PIK3C3: variants seen among roughly 807,000 people sequenced by gnomAD.
PIK3C3 encodes the protein PI3-kinase type 3.
A neutral mutation model predicts 126.1 loss-of-function variants in PIK3C3; 95 were observed. That is an observed-to-expected ratio of 0.75 (90% CI 0.64 to 0.89). PIK3C3 has a LOEUF of 0.89. PIK3C3 is among the 40% of genes least tolerant of loss of function. PIK3C3 has a pLI of 0.00. For synonymous variants in PIK3C3, 374 were observed against 360.0 expected (o/e 1.04, Z -0.44); for missense variants, 829 against 1,063.2 (o/e 0.78, Z 3.06).
At chr18:42,076,197 C>CAT (rs71174078) in intron 24 of PIK3C3, among the ~76,000 whole-genome samples, 18,868 of 118,258 alleles carry the variant, frequency 0.16, 2,210 homozygotes, top group African/African-American at 0.3. Flanking sequence ...TATATGCACA[C>CAT]ATATATATAT....
At chr18:41,955,398 G>T in intron 1 of PIK3C3, 39 bp downstream of exon 1, 1 of 1,559,118 alleles carries the variant, frequency 6.4e-7, no homozygotes, top group Non-Finnish European at 8.8e-7. Flanking sequence ...GATTGCTGGG[G>T]CGTAGGGACG....
In PIK3C3 at chr18:41,996,004, T is replaced by C. The variant is rs775985028; in HGVS notation, c.891+10T>C. On this transcript the variant is annotated intron_variant, in intron 8 of 24. Coordinates refer to ENST00000262039, the MANE Select transcript of PIK3C3 (RefSeq NM_002647.4). ...GAGAGATCAGTTAAATGTAAGAGAA[T>C]TATGAAATATTAATTTAAAAATAGT... 174 of 1,541,940 alleles carry C rather than the reference T, an allele frequency of 1.1e-4. 2 individuals are homozygous for C. The East Asian group carries it at 3.9e-3, about 34-fold the overall frequency.
chr18:42,081,183 C>T lies in PIK3C3; in HGVS notation c.*46C>T, dbSNP rs564813621. ...GATGCTTGGCTCAATAAGAAAACCA[C>T]GTTAGGAGCAACCTTTGTATATTGG... On this transcript the variant is annotated 3_prime_UTR_variant, in exon 25 of 25. Coordinates refer to ENST00000262039, the MANE Select transcript of PIK3C3 (RefSeq NM_002647.4). 18 of 1,422,190 alleles carry T rather than the reference C, an allele frequency of 1.3e-5. No individual in the cohort carries two copies. The highest frequency in any genetic ancestry group is 1.6e-5 in the Non-Finnish European group (16 of 1,014,954). The allele number at this position is 1,422,190 out of a possible 1,614,324, so 88.1% of individuals were successfully genotyped here.
rs181521350 is a variant in PIK3C3, at chr18:42,081,890, C to T, written c.*753C>T. ...TGAGCATAAGATATTTTTACATATT[C>T]ATGTAAGACAATGTAAATTGTCTTT... is the stretch of plus-strand genomic sequence containing the variant. On this transcript the variant is annotated 3_prime_UTR_variant, in exon 25 of 25. Coordinates refer to ENST00000262039, the MANE Select transcript of PIK3C3 (RefSeq NM_002647.4). 1 of 152,208 alleles carries T rather than the reference C, an allele frequency of 6.6e-6. No individual in the cohort carries two copies. The highest frequency in any genetic ancestry group is 1.9e-4 in the East Asian group (1 of 5,182). The allele number at this position is 152,208 out of a possible 1,614,324, so 9.4% of individuals were successfully genotyped here.
chr18:42,010,085 A>C (rs184973136), intron 10 of PIK3C3, among the ~76,000 whole-genome samples: 1 of 152,318 alleles, frequency 6.6e-6, no homozygotes, highest in East Asian at 1.9e-4. Context: ...TTCAAAATTG[A>C]AGTCAGTCCT....
Position 42,038,816 on chromosome 18 carries a change from A to G in PIK3C3, c.2004A>G (p.Thr668=), listed in dbSNP as rs757874981. The G allele has an allele frequency of 3.7e-6, 6 of 1,607,044 alleles. No individual in the cohort carries two copies. The highest frequency in any genetic ancestry group is 8.5e-7 in the Non-Finnish European group (1 of 1,174,300). The change falls in exon 18 of 25, where the codon ACA becomes ACG. Residue 668 remains threonine, a synonymous_variant. Coordinates refer to ENST00000262039, the MANE Select transcript of PIK3C3 (RefSeq NM_002647.4). The stretch of plus-strand genomic sequence containing the variant: ...AAGAAAATCTGGACTTGAAATTGAC[A>G]CCTTATAAGGTGTTAGCCACCAGTA... ...LRKENLDLKL[T]PYKVLATSTK... is the part of the protein sequence containing the mutation.
intron 24 of PIK3C3, among the ~76,000 whole-genome samples, chr18:42,076,131 T>TATATGCAC (rs1555643380): frequency 1.4e-4 from 12 of 83,440 alleles, no homozygotes; most frequent in Admixed American, 6.0e-4. Flanking sequence ...TGCGCATATA[T>TATATGCAC]ATATATATAT....
chr18:42,013,473 A>G lies in PIK3C3; in HGVS notation c.1202A>G (p.Gln401Arg). The change falls in exon 11 of 25, where the codon CAG becomes CGG. Residue 401 changes from glutamine (Q) to arginine (R), a missense_variant. Gln to Arg is a conservative substitution (Grantham distance 43, BLOSUM62 1). Around this residue, in one of 4 missense-constraint regions of PIK3C3, gnomAD observed 256 missense variants for 291.0 expected, o/e 0.88. Coordinates refer to ENST00000262039, the MANE Select transcript of PIK3C3 (RefSeq NM_002647.4). ...TTGATGTACCTATTACAATTGGTCC[A>G]GGCTCTCAAATATGAAAATTTTGAT... ...DLLMYLLQLVQALKYENFDDI... is the reference protein window; with the variant it reads ...DLLMYLLQLVRALKYENFDDI... The G allele has an allele frequency of 6.3e-7, 1 of 1,589,690 alleles. No individual in the cohort carries two copies. Among genetic ancestry groups the G allele is most frequent in the Non-Finnish European group, 8.6e-7 (1 of 1,168,248 alleles).
intron 15 of PIK3C3, among the ~76,000 whole-genome samples, chr18:42,032,624 T>TTTTA (rs139558444): frequency 0.32 from 46,279 of 143,878 alleles, 8,123 homozygotes; most frequent in African/African-American, 0.44. Flanking sequence ...TTTCTGGTTA[T>TTTTA]TTTATTTATT....
chr18:41,983,597 G>T (rs1009713886), intron 4 of PIK3C3, among the ~76,000 whole-genome samples: 1 of 152,168 alleles, frequency 6.6e-6, no homozygotes, highest in South Asian at 2.1e-4. Flanking sequence ...TAGTAAAATA[G>T]AGAAGAGTAC....
At chr18:42,057,620 T>C (rs1045858843) in intron 21 of PIK3C3, 2 of 358,032 alleles carry the variant, frequency 5.6e-6, no homozygotes, top group South Asian at 3.5e-5. Context: ...GACTTATAAA[T>C]AGGATTTAAC....
chr18:42,047,221 T>C (rs1056155337), intron 20 of PIK3C3, among the ~76,000 whole-genome samples: 1 of 152,180 alleles, frequency 6.6e-6, no homozygotes, highest in African/African-American at 2.4e-5. Context: ...TAGGTCTGGA[T>C]TGAACAACTC....
intron 9 of PIK3C3, among the ~76,000 whole-genome samples, chr18:41,999,099 G>T (rs955463072): frequency 9.9e-5 from 15 of 151,318 alleles, no homozygotes; most frequent in African/African-American, 3.6e-4. Context: ...AAGTATTTCA[G>T]ATGAAAACCT....
chr18:41,963,258 A>G (rs1238601552), intron 3 of PIK3C3, among the ~76,000 whole-genome samples: 1 of 152,210 alleles, frequency 6.6e-6, no homozygotes, highest in Non-Finnish European at 1.5e-5. Context: ...GTATTTACTT[A>G]GTTCATATAG....
At position 42,076,133 on chromosome 18, in the gene PIK3C3, T is replaced by TATGCAC. The variant is rs1473122378; in HGVS notation, c.2650-4988_2650-4987insGCACAT. ...ATATATATATATATGCGCATATATA[T>TATGCAC]ATATATATATGCGCATATATATATA... is the stretch of plus-strand genomic sequence containing the variant. On this transcript the variant is annotated intron_variant, in intron 24 of 24. Transcript: ENST00000262039. Among the ~76,000 whole-genome samples the TATGCAC allele has an allele frequency of 6.5e-5, 6 of 91,802 alleles. 1 individual carries two copies. Among genetic ancestry groups the TATGCAC allele is most frequent in the African/African-American group, 3.8e-4 (6 of 15,708 alleles). 60.2% of individuals were successfully genotyped at this position (91,802 alleles called of 152,430 possible). A position where few individuals can be genotyped will look rare whatever the true frequency, so the allele number is the denominator to read the frequency against.
chr18:41,975,596 G>A (rs1980877227), intron 4 of PIK3C3, among the ~76,000 whole-genome samples: 2 of 152,034 alleles, frequency 1.3e-5, no homozygotes, highest in African/African-American at 4.8e-5. Context: ...CTTTGGAAAT[G>A]TAAGTAGTCT....
At chr18:42,058,094 T>C (rs761871743) in intron 22 of PIK3C3, 43 bp downstream of exon 22, 1 of 1,491,130 alleles carries the variant, frequency 6.7e-7, no homozygotes, top group South Asian at 1.3e-5. Flanking sequence ...GTAAATTTAT[T>C]TTATTTTATA....
intron 16 of PIK3C3, among the ~76,000 whole-genome samples, chr18:42,035,751 C>G (rs187646560): frequency 3.9e-5 from 6 of 152,142 alleles, no homozygotes; most frequent in Admixed American, 3.3e-4. Flanking sequence ...TACACATACA[C>G]TGAAATTTCT....
At chr18:42,028,458 A>G (rs1277618054) in intron 14 of PIK3C3, among the ~76,000 whole-genome samples, 5 of 152,228 alleles carry the variant, frequency 3.3e-5, no homozygotes, top group African/African-American at 1.2e-4. Flanking sequence ...GAAAGCTACC[A>G]CACATTAATC....
Sources: allele counts gnomAD v4.1 joint callset (sites outside exome capture counted in the v4.1 genomes callset), GRCh38; gene constraint gnomAD v4.1.1; regional missense constraint gnomAD v4.1.1; transcripts MANE v1.5; gene names NCBI Gene and HGNC (gene_info 2026-07-23, HGNC 2026-07-21).